Variants in EFCAB6 observed in about 807,000 individuals in gnomAD.
The protein encoded by EFCAB6 is EF-hand calcium binding domain 6.
In EFCAB6, 156 loss-of-function variants were observed where a neutral mutation model predicts 169.8. The ratio of observed to expected loss-of-function variants is 0.92; its 90% CI spans 0.81 to 1.05. The LOEUF (loss-of-function observed/expected upper bound fraction) is 1.05. Among genes scored for constraint, EFCAB6 ranks in the 50% least tolerant of loss-of-function variants. The pLI, the probability that EFCAB6 is intolerant of heterozygous loss-of-function variation, is 0.00. For synonymous variants in EFCAB6, 698 were observed against 676.4 expected, an observed-to-expected ratio of 1.03 and a Z score of -0.50; for missense variants, 1,800 against 1,829.1, an observed-to-expected ratio of 0.98 and a Z score of 0.29.
chr22:43,571,118 G>C (rs62226973), intron 26 of EFCAB6, among the ~76,000 whole-genome samples: 2 of 152,194 alleles, frequency 1.3e-5, no homozygotes, highest in Non-Finnish European at 2.9e-5. Context: ...GTGCTGCTGT[G>C]ACAGGCAGAG....
chr22:43,611,914 C>T (rs1473890447), intron 21 of EFCAB6, among the ~76,000 whole-genome samples: 3 of 152,184 alleles, frequency 2.0e-5, no homozygotes, highest in East Asian at 1.9e-4. Context: ...TTAAAGTATA[C>T]TACAGGACTA....
At chr22:43,709,456 T>C (rs2059079338) in intron 10 of EFCAB6, among the ~76,000 whole-genome samples, 1 of 152,212 alleles carries the variant, frequency 6.6e-6, no homozygotes, top group African/African-American at 2.4e-5. Context: ...CTGAATGACA[T>C]TGTATGCATT....
At position 43,772,988 on chromosome 22, in the gene EFCAB6, AC is replaced by A; in HGVS notation, c.254del (p.Gly85ValfsTer4). ...LQKAFQLLDT[G>X]QNLTVSKSEL... ...CACTTTTTGACACAGTCAAGTTCTG[AC>A]CAGTATCCAGCAGCTGAAAGGCTTT... is the stretch of plus-strand genomic sequence containing the variant. On this transcript the variant is annotated frameshift_variant, in exon 4 of 32. Transcript: ENST00000262726. LOFTEE classifies it high-confidence loss of function. The A allele has an allele frequency of 1.9e-6, 3 of 1,614,202 alleles. No homozygotes were observed. Among genetic ancestry groups the A allele is most frequent in the Non-Finnish European group, 2.5e-6 (3 of 1,180,052 alleles).
At chr22:43,691,163 A>G (rs545469346) in intron 10 of EFCAB6, among the ~76,000 whole-genome samples, 4 of 152,284 alleles carry the variant, frequency 2.6e-5, no homozygotes, top group Admixed American at 1.3e-4. Flanking sequence ...CAAGTAGAAC[A>G]TGACTTTGGC....
chr22:43,764,297 A>G (rs2147921801), intron 5 of EFCAB6, among the ~76,000 whole-genome samples: 1 of 152,128 alleles, frequency 6.6e-6, no homozygotes, highest in East Asian at 1.9e-4. Flanking sequence ...AAGTGAGAAC[A>G]TGTGGTATTG....
At chr22:43,647,868 C>A (rs1444022021) in intron 17 of EFCAB6, among the ~76,000 whole-genome samples, 6 of 152,170 alleles carry the variant, frequency 3.9e-5, no homozygotes, top group African/African-American at 1.2e-4. Flanking sequence ...CTGGGAGAAA[C>A]AATGCAGCGT....
At chr22:43,760,281 T>C (rs1448920732) in intron 5 of EFCAB6, among the ~76,000 whole-genome samples, 1 of 149,674 alleles carries the variant, frequency 6.7e-6, no homozygotes, top group Non-Finnish European at 1.5e-5. Context: ...GGATGGCAAA[T>C]ATTTTATGTC....
At chr22:43,760,689 C>T (rs928810360) in intron 5 of EFCAB6, among the ~76,000 whole-genome samples, 2 of 145,556 alleles carry the variant, frequency 1.4e-5, no homozygotes, top group African/African-American at 5.1e-5. Flanking sequence ...ATGGGAGTCT[C>T]ACTCTGTTGC....
In EFCAB6 at chr22:43,599,371, G is replaced by A. The variant is rs1376608842; in HGVS notation, c.2876+698C>T. Among the ~76,000 whole-genome samples the A allele has an allele frequency of 2.6e-5, 4 of 151,894 alleles. No homozygotes were observed. The East Asian group carries it at 5.8e-4, about 22-fold the overall frequency. On this transcript the variant is annotated intron_variant, in intron 23 of 31. Coordinates refer to ENST00000262726, the MANE Select transcript of EFCAB6 (RefSeq NM_022785.4). The stretch of plus-strand genomic sequence containing the variant: ...CTAAAAATACAAAAATTAGCTGGTC[G>A]TGGTGGCGTGTGCCTGTAATCCCAG...
At chr22:43,570,252 C>T (rs1300654712) in intron 26 of EFCAB6, 2 of 152,094 alleles carry the variant, frequency 1.3e-5, no homozygotes, top group Non-Finnish European at 2.9e-5. Context: ...AAAATAATTA[C>T]TCTGTATTGA....
chr22:43,671,294 C>T (rs1048805134), intron 15 of EFCAB6, among the ~76,000 whole-genome samples: 8 of 152,084 alleles, frequency 5.3e-5, no homozygotes, highest in African/African-American at 1.4e-4. Context: ...CTCCGCCTCC[C>T]GGGTTCAAGT....
intron 2 of EFCAB6, among the ~76,000 whole-genome samples, chr22:43,792,523 G>C (rs2062338852): frequency 6.6e-6 from 1 of 152,140 alleles, no homozygotes; most frequent in African/African-American, 2.4e-5. Flanking sequence ...AGCCTGATGA[G>C]GAATTTTAAG....
intron 31 of EFCAB6, 42 bp from the exon 32 acceptor site, chr22:43,529,017 C>T: frequency 6.6e-7 from 1 of 1,526,450 alleles, no homozygotes; most frequent in South Asian, 1.2e-5. Flanking sequence ...TTGTTTGGTG[C>T]CCTAGGTTAA....
At chr22:43,669,131 A>C (rs754067895) in intron 15 of EFCAB6, 86 bp from the exon 16 acceptor site, 27 of 1,251,126 alleles carry the variant, frequency 2.2e-5, no homozygotes, top group Non-Finnish European at 2.8e-5. Context: ...GTGAAGATGA[A>C]AGTAACTACA....
intron 11 of EFCAB6, among the ~76,000 whole-genome samples, chr22:43,686,748 A>G (rs1265583197): frequency 6.6e-6 from 1 of 152,152 alleles, no homozygotes; most frequent in Non-Finnish European, 1.5e-5. Flanking sequence ...ATTTTACTTT[A>G]CAGTAGAGCA....
At chr22:43,626,026 T>G (rs995711727) in intron 20 of EFCAB6, among the ~76,000 whole-genome samples, 1 of 152,152 alleles carries the variant, frequency 6.6e-6, no homozygotes. Flanking sequence ...GATTAATACA[T>G]AGAAAAATAA....
chr22:43,765,026 T>C (rs975250386), intron 5 of EFCAB6, among the ~76,000 whole-genome samples: 3 of 152,242 alleles, frequency 2.0e-5, no homozygotes, highest in Admixed American at 6.5e-5. Flanking sequence ...ATTTTAAATA[T>C]ATTGCATGTA....
chr22:43,707,862 A>G (rs1288654785), intron 10 of EFCAB6, among the ~76,000 whole-genome samples: 1 of 152,146 alleles, frequency 6.6e-6, no homozygotes, highest in Non-Finnish European at 1.5e-5. Context: ...CATAAAAACA[A>G]CAGTGATGAA....
intron 23 of EFCAB6, among the ~76,000 whole-genome samples, chr22:43,597,563 T>G (rs1021845584): frequency 6.6e-6 from 1 of 152,104 alleles, no homozygotes; most frequent in Non-Finnish European, 1.5e-5. Flanking sequence ...TCATCCCAGT[T>G]AGAATAGCCA....
Sources: allele counts gnomAD v4.1 joint callset (sites outside exome capture counted in the v4.1 genomes callset), GRCh38; gene constraint gnomAD v4.1.1; transcripts MANE v1.5; gene names NCBI Gene and HGNC (gene_info 2026-07-23, HGNC 2026-07-21).